Variants in NEDD4L observed in about 807,000 individuals in gnomAD.
The protein encoded by NEDD4L is E3 ubiquitin-protein ligase NEDD4-like.
Under a neutral mutation model 148.9 loss-of-function variants are expected in NEDD4L, and 54 were observed. The ratio of observed to expected loss-of-function variants is 0.36; its 90% confidence interval spans 0.29 to 0.45. NEDD4L has a LOEUF of 0.45. Among genes scored for constraint, NEDD4L ranks in the 20% least tolerant of loss-of-function variants. The pLI is 1.00. For missense variants in NEDD4L, 856 were observed against 1,233.8 expected, an observed-to-expected ratio of 0.69 and a Z score of 4.59; for synonymous variants, 433 against 440.7, an observed-to-expected ratio of 0.98 and a Z score of 0.22.
Position 58,399,123 on chromosome 18 carries a change from C to T in NEDD4L, c.*2854C>T, listed in dbSNP as rs979994603. On this transcript the variant is annotated 3_prime_UTR_variant, in exon 31 of 31. Transcript: ENST00000400345. ...TCAGTTATCACAGCTGCCTGTGGGT[C>T]CCGGGTATTTCCATTCCTGCCCCTT... 1 of 152,224 alleles carries T rather than the reference C, an allele frequency of 6.6e-6. No homozygotes were observed. The highest frequency in any genetic ancestry group is 2.4e-5 in the African/African-American group (1 of 41,436). The allele number at this position is 152,224 out of a possible 1,614,324, so 9.4% of individuals were successfully genotyped here. A position where few individuals can be genotyped will look rare whatever the true frequency, so the allele number is the denominator to read the frequency against.
chr18:58,123,828 G>C (rs1426495003), intron 1 of NEDD4L, among the ~76,000 whole-genome samples: 1 of 152,082 alleles, frequency 6.6e-6, no homozygotes. Flanking sequence ...TGCCGCGGAG[G>C]CTTCCCCAGC....
intron 1 of NEDD4L, among the ~76,000 whole-genome samples, chr18:58,102,930 C>T (rs2084846677): frequency 1.3e-5 from 2 of 152,082 alleles, no homozygotes; most frequent in Admixed American, 1.3e-4. Context: ...GATCCTGTGG[C>T]AGCTGCTATT....
At chr18:58,089,126 A>ATTTTTATTTTTTTT in intron 1 of NEDD4L, among the ~76,000 whole-genome samples, 1 of 100,986 alleles carries the variant, frequency 9.9e-6, no homozygotes, top group Non-Finnish European at 1.9e-5. Context: ...TTATTTCATA[A>ATTTTTATTTTTTTT]TTTTTTTTTT....
intron 13 of NEDD4L, among the ~76,000 whole-genome samples, chr18:58,339,336 C>T (rs1330929875): frequency 6.6e-6 from 1 of 152,212 alleles, no homozygotes; most frequent in Non-Finnish European, 1.5e-5. Context: ...TACAACTTAG[C>T]TCAGCAGGGG....
intron 24 of NEDD4L, among the ~76,000 whole-genome samples, chr18:58,382,508 A>G (rs934072111): frequency 2.0e-5 from 3 of 152,168 alleles, no homozygotes; most frequent in African/African-American, 7.2e-5. Flanking sequence ...TTTTCCCCAA[A>G]ATTTCTACAA....
chr18:58,334,848 A>G (rs2041507587), intron 12 of NEDD4L, among the ~76,000 whole-genome samples: 1 of 152,214 alleles, frequency 6.6e-6, no homozygotes, highest in South Asian at 2.1e-4. Context: ...TAATAGAGTC[A>G]TTTGTGACTT....
chr18:58,389,441 A>G (rs1195994517), intron 28 of NEDD4L: 3 of 345,256 alleles, frequency 8.7e-6, no homozygotes, highest in Middle Eastern at 7.5e-4. Flanking sequence ...TTCCTTGACC[A>G]CCTCGTGAAA....
At chr18:58,108,444 C>G (rs1156432722) in intron 1 of NEDD4L, among the ~76,000 whole-genome samples, 2 of 152,058 alleles carry the variant, frequency 1.3e-5, no homozygotes, top group Non-Finnish European at 2.9e-5. Context: ...TTTTTTGAGA[C>G]AAGTTTCACT....
At chr18:58,269,437 G>A (rs546192431) in intron 5 of NEDD4L, among the ~76,000 whole-genome samples, 1 of 152,074 alleles carries the variant, frequency 6.6e-6, no homozygotes, top group African/African-American at 2.4e-5. Flanking sequence ...CTCAACACAA[G>A]TCTGTGGTCA....
intron 6 of NEDD4L, among the ~76,000 whole-genome samples, chr18:58,317,444 C>A (rs1043842794): frequency 6.6e-6 from 1 of 152,206 alleles, no homozygotes; most frequent in Non-Finnish European, 1.5e-5. Flanking sequence ...CTTTTATGGA[C>A]GTCTCCAGCC....
intron 2 of NEDD4L, among the ~76,000 whole-genome samples, chr18:58,236,618 C>T (rs879499128): frequency 6.6e-6 from 1 of 152,164 alleles, no homozygotes; most frequent in Non-Finnish European, 1.5e-5. Context: ...TAGGGATGAG[C>T]GATGATGTCT....
chr18:58,070,832 A>G (rs576934036), intron 1 of NEDD4L, among the ~76,000 whole-genome samples: 1 of 151,940 alleles, frequency 6.6e-6, no homozygotes, highest in Admixed American at 6.6e-5. Context: ...GTGGCCATAC[A>G]TGGCAAACAA....
chr18:58,264,111 A>G (rs772722773), intron 5 of NEDD4L, among the ~76,000 whole-genome samples: 2 of 152,126 alleles, frequency 1.3e-5, no homozygotes, highest in Non-Finnish European at 2.9e-5. Flanking sequence ...TAGTTTGAAT[A>G]TTTAAGTTGA....
chr18:58,047,172 TG>T, intron 1 of NEDD4L: 1 of 867,074 alleles, frequency 1.2e-6, no homozygotes, highest in Non-Finnish European at 1.4e-6. Context: ...GTATTAAATA[TG>T]GGTACACTTA....
rs117031763 is a variant in NEDD4L at position 58,227,530 on chromosome 18, G to A, written c.123-17897G>A. Among the ~76,000 whole-genome samples the A allele has an allele frequency of 3.7e-3, 565 of 152,214 alleles. 3 individuals carry two copies. Among genetic ancestry groups the A allele is most frequent in the Non-Finnish European group, 6.6e-3 (446 of 68,024 alleles). The stretch of plus-strand genomic sequence containing the variant: ...CGCTGGGTGATTCTTAGGACTGTGC[G>A]GTCAGTCGAATTACCAGACGTCCCT... On this transcript the variant is annotated intron_variant, in intron 2 of 30. Transcript: ENST00000400345.
intron 19 of NEDD4L, among the ~76,000 whole-genome samples, chr18:58,361,088 C>A (rs1372372973): frequency 6.6e-6 from 1 of 152,128 alleles, no homozygotes; most frequent in Non-Finnish European, 1.5e-5. Context: ...AATGACTGTT[C>A]TTTCTCCATC....
At position 58,271,305 on chromosome 18, in the gene NEDD4L, A is replaced by G. The variant is rs533674124; in HGVS notation, c.297+19251A>G. 7.9e-5 allele frequency among the ~76,000 whole-genome samples: 12 copies of G among 152,342 alleles called. No homozygotes were observed. In the South Asian group the frequency reaches 2.3e-3, roughly 29 times the overall value. ...TGGAAGAACCCTGAAAAAAAAATCA[A>G]TAAAATGTATCCTTAAAAAAGATTT... On this transcript the variant is annotated intron_variant, in intron 5 of 30. Coordinates refer to ENST00000400345, the MANE Select transcript of NEDD4L (RefSeq NM_001144967.3).
intron 1 of NEDD4L, among the ~76,000 whole-genome samples, chr18:58,095,649 T>G (rs1013196498): frequency 1.3e-5 from 2 of 152,224 alleles, no homozygotes; most frequent in Admixed American, 6.5e-5. Flanking sequence ...CTGTGGAGCT[T>G]GAAATCTCAC....
At chr18:58,387,539 T>C in intron 27 of NEDD4L, 41 bp downstream of exon 27, 2 of 1,473,792 alleles carry the variant, frequency 1.4e-6, no homozygotes, top group Non-Finnish European at 1.8e-6. Flanking sequence ...GTGGATTTTT[T>C]AAAGTATCTC....
Sources: allele counts gnomAD v4.1 joint callset (sites outside exome capture counted in the v4.1 genomes callset), GRCh38; gene constraint gnomAD v4.1.1; transcripts MANE v1.5; gene names NCBI Gene and HGNC (gene_info 2026-07-23, HGNC 2026-07-21).